Variants in CCSER1 observed in about 807,000 individuals in gnomAD.
CCSER1 encodes serine-rich coiled-coil domain-containing protein 1.
CCSER1 carries 41 observed loss-of-function variants against 82.0 expected under a neutral mutation model. That is an observed-to-expected ratio of 0.50 (90% CI 0.39 to 0.65). The LOEUF (loss-of-function observed/expected upper bound fraction) is 0.65. CCSER1 is among the 30% of genes least tolerant of loss of function. The probability of loss-of-function intolerance (pLI) is 0.00; values close to 1 mark genes in which losing one functional copy is unlikely to be tolerated. For missense variants in CCSER1, 1,119 were observed against 1,064.2 expected (o/e 1.05, Z -0.72); for synonymous variants, 414 against 383.9 (o/e 1.08, Z -0.92).
chr4:91,286,702 A>G (rs72670930), intron 10 of CCSER1, among the ~76,000 whole-genome samples: 1,927 of 151,956 alleles, frequency 0.013, 20 homozygotes, highest in Non-Finnish European at 0.019. Context: ...TGTGACCATA[A>G]TTACTACTTT....
At chr4:91,299,704 T>G (rs1303318633) in intron 10 of CCSER1, among the ~76,000 whole-genome samples, 1 of 151,940 alleles carries the variant, frequency 6.6e-6, no homozygotes, top group South Asian at 2.1e-4. Context: ...TTTATATGCA[T>G]GTGCAAAATT....
chr4:90,354,215 T>G (rs189486337), intron 3 of CCSER1, among the ~76,000 whole-genome samples: 1 of 152,268 alleles, frequency 6.6e-6, no homozygotes, highest in Non-Finnish European at 1.5e-5. Flanking sequence ...TACTATATGA[T>G]CTCACTTATT....
chr4:91,335,739 T>C (rs566237421), intron 10 of CCSER1, among the ~76,000 whole-genome samples: 1 of 152,044 alleles, frequency 6.6e-6, no homozygotes, highest in Admixed American at 6.6e-5. Context: ...GTCAGATCAG[T>C]GTGTTATTGT....
chr4:91,201,756 G>T (rs964545708), intron 10 of CCSER1, among the ~76,000 whole-genome samples: 1 of 151,964 alleles, frequency 6.6e-6, no homozygotes, highest in Non-Finnish European at 1.5e-5. Context: ...TTGTTGACTG[G>T]TATAAGTGCT....
intron 4 of CCSER1, among the ~76,000 whole-genome samples, chr4:90,465,320 CTTTTTTT>C (rs1157811263): frequency 7.6e-6 from 1 of 131,960 alleles, no homozygotes. Flanking sequence ...TTTCCGTGTT[CTTTTTTT>C]TTTTTTTTTT....
intron 7 of CCSER1, among the ~76,000 whole-genome samples, chr4:90,755,845 T>C (rs932498414): frequency 2.0e-4 from 30 of 152,350 alleles, no homozygotes; most frequent in African/African-American, 7.0e-4. Context: ...AGCTAAATTA[T>C]ATGCAATAAG....
At chr4:90,339,168 C>G (rs371277917) in intron 3 of CCSER1, among the ~76,000 whole-genome samples, 1 of 152,212 alleles carries the variant, frequency 6.6e-6, no homozygotes, top group Non-Finnish European at 1.5e-5. Flanking sequence ...TGCCAAAAAA[C>G]TTGAACTTCT....
At chr4:91,096,215 G>T (rs182147485) in intron 10 of CCSER1, among the ~76,000 whole-genome samples, 1 of 152,248 alleles carries the variant, frequency 6.6e-6, no homozygotes, top group East Asian at 1.9e-4. Context: ...TAAATGGGCC[G>T]CCAAGGGAGG....
chr4:91,292,187 G>A (rs921851873), intron 10 of CCSER1, among the ~76,000 whole-genome samples: 4 of 151,974 alleles, frequency 2.6e-5, no homozygotes, highest in Non-Finnish European at 4.4e-5. Flanking sequence ...TTGAGGAGCT[G>A]TATGTACATG....
intron 9 of CCSER1, among the ~76,000 whole-genome samples, chr4:91,033,089 A>G (rs1404172115): frequency 6.6e-6 from 1 of 152,210 alleles, no homozygotes; most frequent in Non-Finnish European, 1.5e-5. Context: ...AGTAAATGAG[A>G]CAAATTAAGG....
At chr4:90,724,049 T>C (rs1482949461) in intron 7 of CCSER1, 58 bp downstream of exon 7, 3 of 1,021,452 alleles carry the variant, frequency 2.9e-6, no homozygotes, top group Non-Finnish European at 4.5e-6. Context: ...TAATAAATAG[T>C]TTAAAATAGT....
At chr4:90,990,802 G>T (rs1008587156) in intron 9 of CCSER1, among the ~76,000 whole-genome samples, 4 of 151,986 alleles carry the variant, frequency 2.6e-5, no homozygotes, top group African/African-American at 9.7e-5. Context: ...ATGTAGATTT[G>T]TGATGAATTG....
intron 7 of CCSER1, among the ~76,000 whole-genome samples, chr4:90,786,362 A>T (rs1561133919): frequency 6.6e-6 from 1 of 152,184 alleles, no homozygotes; most frequent in Non-Finnish European, 1.5e-5. Context: ...TTTGGAACAC[A>T]GTAATACTCA....
At chr4:91,260,880 C>T (rs1046933316) in intron 10 of CCSER1, among the ~76,000 whole-genome samples, 18 of 152,120 alleles carry the variant, frequency 1.2e-4, no homozygotes, top group Admixed American at 5.2e-4. Context: ...CCTGCCTCAG[C>T]CTCCTGAGTA....
At chr4:90,627,521 A>G (rs17017315) in intron 5 of CCSER1, among the ~76,000 whole-genome samples, 1,885 of 152,274 alleles carry the variant, frequency 0.012, 32 homozygotes, top group African/African-American at 0.043. Context: ...GTATGTTACA[A>G]TATTAATTAT....
intron 10 of CCSER1, among the ~76,000 whole-genome samples, chr4:91,252,806 T>A (rs918989568): frequency 6.6e-6 from 1 of 152,142 alleles, no homozygotes; most frequent in Non-Finnish European, 1.5e-5. Flanking sequence ...GAGAAATTTC[T>A]TTCTCATTTT....
At chr4:91,577,704 A>C (rs572419967) in intron 10 of CCSER1, among the ~76,000 whole-genome samples, 12 of 152,176 alleles carry the variant, frequency 7.9e-5, no homozygotes, top group African/African-American at 1.7e-4. Context: ...CAAAATGCTA[A>C]GAGTCCCTAA....
intron 7 of CCSER1, among the ~76,000 whole-genome samples, chr4:90,755,003 C>A (rs1749262089): frequency 6.6e-6 from 1 of 152,068 alleles, no homozygotes; most frequent in Non-Finnish European, 1.5e-5. Flanking sequence ...TTCCTGCCAT[C>A]ACATCAGTGT....
chr4:91,253,751 G>A (rs1379422308), intron 10 of CCSER1, among the ~76,000 whole-genome samples: 2 of 152,172 alleles, frequency 1.3e-5, no homozygotes, highest in African/African-American at 4.8e-5. Flanking sequence ...CCTATAGGAA[G>A]CATAGCAGCT....
Sources: allele counts gnomAD v4.1 joint callset (sites outside exome capture counted in the v4.1 genomes callset), GRCh38; gene constraint gnomAD v4.1.1; transcripts MANE v1.5; gene names NCBI Gene and HGNC (gene_info 2026-07-23, HGNC 2026-07-21).